The following VPS13D variants were observed in gnomAD, a reference collection of about 807,000 sequenced individuals.
VPS13D encodes vacuolar protein sorting 13 homolog D, also known as intermembrane lipid transfer protein VPS13D.
Under a neutral mutation model 461.9 loss-of-function variants are expected in VPS13D, and 187 were observed. The observed-to-expected ratio is 0.40, with a 90% CI of 0.36 to 0.46. The LOEUF (loss-of-function observed/expected upper bound fraction) is 0.46, where lower values mean the gene tolerates loss of function less well. Among genes scored for constraint, VPS13D ranks in the 20% least tolerant of loss-of-function variants. VPS13D has a pLI of 0.60. For missense variants in VPS13D, 4,711 were observed against 5,364.9 expected (o/e 0.88, Z 3.81); for synonymous variants, 1,951 against 1,986.3 (o/e 0.98, Z 0.47).
rs769074891 is a variant in VPS13D, at chr1:12,266,924, G to A, written c.1638G>A (p.Ser546=). The A allele has an allele frequency of 5.6e-6, 9 of 1,605,202 alleles. No individual in the cohort carries two copies. Among genetic ancestry groups the A allele is most frequent in the African/African-American group, 4.0e-5 (3 of 74,588 alleles). The change falls in exon 14 of 70, where the codon TCG becomes TCA. Residue 546 remains serine (S), a synonymous_variant. Transcript: ENST00000620676. ...AGTCTCTTCCTCGAAGAAATTCCTC[G>A]TTGCTTTCAGTCCGGTTGGGTGGAC... ...LAESLPRRNS[S]LLSVRLGGLF...
At chr1:12,353,358 C>G (rs1410314474) in intron 46 of VPS13D, among the ~76,000 whole-genome samples, 3 of 151,660 alleles carry the variant, frequency 2.0e-5, no homozygotes, top group African/African-American at 7.3e-5. Context: ...ATGGTGAAAC[C>G]CCATCTCTAC....
At position 12,363,081 on chromosome 1, in the gene VPS13D, A is replaced by G; in HGVS notation, c.10282A>G (p.Asn3428Asp). ...ATCCTATGTGTTTTAGGGAACAGCC[A>G]ATCCCGAAGGTTACATTTCCACCCT... ...REFARGQGTA[N>D]PEGYISTLPG... Residue 3428 changes from asparagine (N) to aspartate (D), a missense_variant, in exon 52 of 70, where the codon AAT (asparagine) becomes GAT (aspartate). Coordinates refer to ENST00000620676, the MANE Select transcript of VPS13D (RefSeq NM_015378.4). 6.2e-7 allele frequency: 1 copy of G among 1,614,132 alleles called. No homozygotes were observed. The highest frequency in any genetic ancestry group is 1.6e-4 in the Middle Eastern group (1 of 6,062).
At position 12,274,393 on chromosome 1, in the gene VPS13D, T is replaced by C. The variant is rs371665559; in HGVS notation, c.2236+1258T>C. ...GTTTCGCCATGTTGGCCAGGCTGGTTTTGAACTCCTAACCTCAAAGTGATC... is the reference window on the plus strand; with the variant it reads ...GTTTCGCCATGTTGGCCAGGCTGGTCTTGAACTCCTAACCTCAAAGTGATC... On this transcript the variant is annotated intron_variant, in intron 18 of 69. Coordinates refer to ENST00000620676, the MANE Select transcript of VPS13D (RefSeq NM_015378.4). Among the ~76,000 whole-genome samples the C allele has an allele frequency of 2.7e-4, 41 of 151,986 alleles. 3 individuals are homozygous for C. The highest frequency in any genetic ancestry group is 2.2e-3 in the Admixed American group (33 of 15,256).
intron 2 of VPS13D, among the ~76,000 whole-genome samples, chr1:12,240,243 A>T (rs1310687096): frequency 1.3e-5 from 2 of 152,024 alleles, no homozygotes; most frequent in Non-Finnish European, 2.9e-5. Context: ...AAGGTTGTAC[A>T]GCTGCCAGGG....
At chr1:12,449,674 A>T (rs1322669431) in intron 65 of VPS13D, among the ~76,000 whole-genome samples, 3 of 152,238 alleles carry the variant, frequency 2.0e-5, no homozygotes, top group African/African-American at 7.2e-5. Flanking sequence ...CTTAGGTCTT[A>T]CATGACTCAA....
At chr1:12,496,130 T>C (rs966229965) in intron 67 of VPS13D, among the ~76,000 whole-genome samples, 3 of 152,232 alleles carry the variant, frequency 2.0e-5, no homozygotes, top group African/African-American at 7.2e-5. Context: ...TTTTTACTCT[T>C]TCCCTTAGTG....
intron 65 of VPS13D, among the ~76,000 whole-genome samples, chr1:12,424,713 A>T (rs1276386045): frequency 1.3e-5 from 2 of 152,228 alleles, no homozygotes; most frequent in Non-Finnish European, 2.9e-5. Context: ...TTTGAAACAG[A>T]AAGAAAAAGT....
Position 12,510,018 on chromosome 1 carries a change from G to A in VPS13D, c.*994G>A, listed in dbSNP as rs958108456. The A allele has an allele frequency of 2.0e-5, 3 of 152,270 alleles. No individual in the cohort carries two copies. The highest frequency in any genetic ancestry group is 4.4e-5 in the Non-Finnish European group (3 of 68,052). 9.4% of individuals were successfully genotyped at this position (152,270 alleles called of 1,614,324 possible). On this transcript the variant is annotated 3_prime_UTR_variant, in exon 70 of 70. Coordinates refer to ENST00000620676, the MANE Select transcript of VPS13D (RefSeq NM_015378.4). ...CTGTTTTCTTTTTAATAAAGCCACA[G>A]GCAGGCATCGTAGCTCCACAGCCCG...
At chr1:12,242,228 G>T (rs1249782678) in intron 2 of VPS13D, among the ~76,000 whole-genome samples, 1 of 152,170 alleles carries the variant, frequency 6.6e-6, no homozygotes, top group Non-Finnish European at 1.5e-5. Context: ...CTGGAAATTC[G>T]TTTAGATGAA....
chr1:12,234,600 T>C (rs1183548564), intron 2 of VPS13D, among the ~76,000 whole-genome samples: 1 of 152,230 alleles, frequency 6.6e-6, no homozygotes, highest in Admixed American at 6.5e-5. Flanking sequence ...TAAGCTACAC[T>C]ACTGGTGACT....
At chr1:12,492,925 C>T (rs1645902412) in intron 67 of VPS13D, among the ~76,000 whole-genome samples, 1 of 152,104 alleles carries the variant, frequency 6.6e-6, no homozygotes, top group South Asian at 2.1e-4. Context: ...ACTGGAGCAT[C>T]CTTTGAAATG....
At chr1:12,247,616 G>T (rs535394153) in intron 5 of VPS13D, among the ~76,000 whole-genome samples, 8 of 152,074 alleles carry the variant, frequency 5.3e-5, no homozygotes, top group African/African-American at 1.9e-4. Context: ...TCTTAATGGC[G>T]AAGGATACTG....
At chr1:12,422,427 G>A (rs1644875868) in intron 65 of VPS13D, among the ~76,000 whole-genome samples, 1 of 152,106 alleles carries the variant, frequency 6.6e-6, no homozygotes, top group South Asian at 2.1e-4. Context: ...CTCAAATTCT[G>A]CAGATCAAAT....
At chr1:12,465,644 C>T (rs1645472282) in intron 67 of VPS13D, among the ~76,000 whole-genome samples, 1 of 152,152 alleles carries the variant, frequency 6.6e-6, no homozygotes. Context: ...AAAAATAGCC[C>T]CAAAACACCA....
At chr1:12,376,376 G>T (rs6541019) in intron 55 of VPS13D, among the ~76,000 whole-genome samples, 1 of 152,100 alleles carries the variant, frequency 6.6e-6, no homozygotes, top group Non-Finnish European at 1.5e-5. Flanking sequence ...GACCTCCCAG[G>T]TTTGCTGGAA....
chr1:12,383,155 G>A lies in VPS13D; in HGVS notation c.11370G>A (p.Gln3790=). 1 of 1,608,948 alleles carries A rather than the reference G, an allele frequency of 6.2e-7. No individual in the cohort carries two copies. Among genetic ancestry groups the A allele is most frequent in the East Asian group, 2.2e-5 (1 of 44,804 alleles). The part of the protein sequence containing the change: ...VIPDGPTRAL[Q]ITDFCHRKSS... ...CAGATGGACCAACTAGAGCACTCCA[G>A]GTGATAATTTGTCATAAGAGCTGAT... The change falls in exon 58 of 70, where the codon CAG becomes CAA. Residue 3790 remains glutamine (Q), a splice_region_variant and synonymous_variant. Transcript: ENST00000620676.
At chr1:12,286,008 C>T (rs1323047822) in intron 21 of VPS13D, among the ~76,000 whole-genome samples, 5 of 145,430 alleles carry the variant, frequency 3.4e-5, no homozygotes, top group African/African-American at 1.3e-4. Context: ...CTCTCCTCTC[C>T]TCTCCTCTCC....
intron 49 of VPS13D, among the ~76,000 whole-genome samples, chr1:12,358,226 G>C (rs1643903967): frequency 6.6e-6 from 1 of 152,148 alleles, no homozygotes; most frequent in Non-Finnish European, 1.5e-5. Flanking sequence ...AAAGCATTTA[G>C]TTGTAGATGT....
chr1:12,283,670 G>A lies in VPS13D; in HGVS notation c.5568G>A (p.Lys1856=). 6.2e-7 allele frequency: 1 copy of A among 1,614,196 alleles called. No homozygotes were observed. Among genetic ancestry groups the A allele is most frequent in the Non-Finnish European group, 8.5e-7 (1 of 1,180,020 alleles). ...CTGAGGGCATTCTGCACAACGTGAA[G>A]TTGGAGCCACATGCCTCCATGGAGT... The part of the protein sequence containing the change: ...LPPEGILHNV[K]LEPHASMESG... Residue 1856 remains lysine (K), a synonymous_variant, in exon 21 of 70, where the codon AAG becomes AAA. Coordinates refer to ENST00000620676, the MANE Select transcript of VPS13D (RefSeq NM_015378.4).
Sources: allele counts gnomAD v4.1 joint callset (sites outside exome capture counted in the v4.1 genomes callset), GRCh38; gene constraint gnomAD v4.1.1; transcripts MANE v1.5; gene names NCBI Gene and HGNC (gene_info 2026-07-23, HGNC 2026-07-21).